CSMD2: variants seen among roughly 807,000 people sequenced by gnomAD.
The protein encoded by CSMD2 is CUB and Sushi multiple domains 2, also known as CUB and sushi domain-containing protein 2.
CSMD2 carries 130 observed loss-of-function variants against 398.5 expected under a neutral mutation model. That is an observed-to-expected ratio of 0.33 (90% CI 0.28 to 0.38). The LOEUF is 0.38. Ranked by LOEUF, CSMD2 falls within the 10% of genes least tolerant of loss-of-function variation. CSMD2 has a pLI of 1.00. For missense variants in CSMD2, 3,829 were observed against 4,764.9 expected, an observed-to-expected ratio of 0.80 and a Z score of 5.78; for synonymous variants, 1,828 against 1,908.5, an observed-to-expected ratio of 0.96 and a Z score of 1.10.
At chr1:33,939,016 C>A in intron 3 of CSMD2, among the ~76,000 whole-genome samples, 1 of 151,866 alleles carries the variant, frequency 6.6e-6, no homozygotes, top group East Asian at 1.9e-4. Flanking sequence ...TTCCCGTGAT[C>A]CCCTGCTGCT....
At chr1:34,128,979 T>C (rs895357498) in intron 1 of CSMD2, among the ~76,000 whole-genome samples, 2 of 144,976 alleles carry the variant, frequency 1.4e-5, no homozygotes, top group South Asian at 4.7e-4. Flanking sequence ...GAAACAGACG[T>C]CCACGTCCAC....
At chr1:33,652,606 A>G (rs547277002) in intron 27 of CSMD2, 145 bp from the exon 28 acceptor site, 2 of 809,564 alleles carry the variant, frequency 2.5e-6, no homozygotes, top group South Asian at 3.8e-5. Flanking sequence ...GAGAAGGTGA[A>G]ATGATGGACT....
At chr1:33,853,189 T>A (rs1407122) in intron 5 of CSMD2, among the ~76,000 whole-genome samples, 71,397 of 152,056 alleles carry the variant, frequency 0.47, 17,174 homozygotes, top group East Asian at 0.57. Context: ...CTCCACATTG[T>A]CTGTCTTATA....
In CSMD2 at chr1:34,109,652, A is replaced by T. The variant is rs568075620; in HGVS notation, c.188-20459T>A. Among the ~76,000 whole-genome samples, 10 of 152,324 alleles carry T rather than the reference A, an allele frequency of 6.6e-5. No individual in the cohort carries two copies. In the East Asian group the frequency reaches 1.9e-3, roughly 29 times the overall value. ...TGCATCTGACAAAGGTCTAATATTC[A>T]GCATCTGTAAGGAACTTAAACAAAT... On this transcript the variant is annotated intron_variant, in intron 1 of 70. Transcript: ENST00000373381.
intron 5 of CSMD2, among the ~76,000 whole-genome samples, chr1:33,878,532 A>G (rs1641008567): frequency 6.6e-6 from 1 of 152,258 alleles, no homozygotes; most frequent in Admixed American, 6.5e-5. Flanking sequence ...CAGCACAGCC[A>G]TCTGCTCCCC....
At chr1:33,783,200 G>A (rs191328699) in intron 12 of CSMD2, among the ~76,000 whole-genome samples, 7 of 152,284 alleles carry the variant, frequency 4.6e-5, no homozygotes, top group Admixed American at 4.6e-4. Flanking sequence ...GCAGGTCACA[G>A]GTGTGGGGGC....
chr1:34,114,399 A>G (rs1161662785), intron 1 of CSMD2, among the ~76,000 whole-genome samples: 1 of 152,122 alleles, frequency 6.6e-6, no homozygotes, highest in African/African-American at 2.4e-5. Context: ...ACATGGCTCA[A>G]CTAAAGGAAG....
rs947354210 is a variant in CSMD2 at position 33,606,214 on chromosome 1, G to T, written c.6344-744C>A. On this transcript the variant is annotated intron_variant, in intron 41 of 70. Coordinates refer to ENST00000373381, the MANE Select transcript of CSMD2 (RefSeq NM_001281956.2). The stretch of plus-strand genomic sequence containing the variant: ...TGATGAATTGGGTCCACAGGACACA[G>T]AACAGCCTTCGTGGCAGTAATTGCG... Among the ~76,000 whole-genome samples the T allele has an allele frequency of 1.4e-4, 21 of 152,210 alleles. 1 individual carries two copies.
Position 33,976,615 on chromosome 1 carries a change from G to C in CSMD2, c.518-40661C>G, listed in dbSNP as rs147639891. 3.7e-4 allele frequency among the ~76,000 whole-genome samples: 56 copies of C among 152,256 alleles called. 1 individual carries two copies. The highest frequency in any genetic ancestry group is 1.3e-3 in the African/African-American group (54 of 41,554). ...AGGCAACACCACCAGGGCATGATGC[G>C]AGTGGTCCAGGAGTCTCCTTATTCC... On this transcript the variant is annotated intron_variant, in intron 3 of 70. Coordinates refer to ENST00000373381, the MANE Select transcript of CSMD2 (RefSeq NM_001281956.2).
At position 33,544,555 on chromosome 1, in the gene CSMD2, T is replaced by C. The variant is rs115333035; in HGVS notation, c.9100+1482A>G. On this transcript the variant is annotated intron_variant, in intron 57 of 70. Coordinates refer to ENST00000373381, the MANE Select transcript of CSMD2 (RefSeq NM_001281956.2). ...TTGCCACTGATCTGGTCATTGATTC[T>C]AGACTTTTAGAGTTAGAGCTGTGAA... Among the ~76,000 whole-genome samples the C allele has an allele frequency of 3.0e-3, 460 of 152,256 alleles. 4 individuals carry two copies. The highest frequency in any genetic ancestry group is 0.011 in the African/African-American group (443 of 41,542).
chr1:34,104,162 C>T (rs553938548), intron 1 of CSMD2, among the ~76,000 whole-genome samples: 6 of 152,172 alleles, frequency 3.9e-5, no homozygotes, highest in Non-Finnish European at 8.8e-5. Context: ...ACATTTTATG[C>T]ACTTTTTGCC....
At chr1:33,763,363 A>G (rs74691496) in intron 13 of CSMD2, among the ~76,000 whole-genome samples, 3,579 of 152,294 alleles carry the variant, frequency 0.024, 49 homozygotes, top group South Asian at 0.031. Flanking sequence ...TAGAACTACA[A>G]TTCCTAGGCC....
chr1:33,678,038 A>G (rs1010765896), intron 25 of CSMD2, among the ~76,000 whole-genome samples: 1 of 151,674 alleles, frequency 6.6e-6, no homozygotes, highest in African/African-American at 2.4e-5. Flanking sequence ...CAGCACACCA[A>G]CATGGCACAT....
At chr1:33,672,420 C>T (rs1032108542) in intron 25 of CSMD2, among the ~76,000 whole-genome samples, 12 of 152,292 alleles carry the variant, frequency 7.9e-5, no homozygotes, top group Non-Finnish European at 1.6e-4. Context: ...GGGGGAGGGG[C>T]GCCTGCCATT....
intron 19 of CSMD2, among the ~76,000 whole-genome samples, 180 bp from the exon 20 acceptor site, chr1:33,716,681 C>T (rs142152072): frequency 6.6e-6 from 1 of 152,174 alleles, no homozygotes; most frequent in Admixed American, 6.5e-5. Flanking sequence ...CACACAAGTG[C>T]CCAGAGATTC....
rs1345885742 is a variant in CSMD2 at position 33,846,928 on chromosome 1, G to A, written c.989C>T (p.Ser330Leu). ...SKNWLRLHFT[S>L]DGNHRQRGFS... is the part of the protein sequence containing the mutation. ...TCCGCGCTGCCGGTGGTTGCCATCC[G>A]ATGTGAAGTGCAGTCGCAGCCAGTT... The change falls in exon 6 of 71, where the codon TCG (serine) becomes TTG (leucine). Residue 330 changes from serine (S) to leucine (L), a missense_variant. By Grantham distance (145) the Ser-to-Leu change is moderately radical. Transcript: ENST00000373381. 3 of 1,610,516 alleles carry A rather than the reference G, an allele frequency of 1.9e-6. No individual in the cohort carries two copies. Among genetic ancestry groups the A allele is most frequent in the East Asian group, 2.2e-5 (1 of 44,526 alleles).
At chr1:33,878,976 G>A (rs1055494014) in intron 5 of CSMD2, among the ~76,000 whole-genome samples, 2 of 152,128 alleles carry the variant, frequency 1.3e-5, no homozygotes, top group South Asian at 2.1e-4. Flanking sequence ...TCTTCTTACC[G>A]CGGTAACAAT....
chr1:33,822,032 G>A lies in CSMD2; in HGVS notation c.1112-1476C>T, dbSNP rs2281596. On this transcript the variant is annotated intron_variant, in intron 7 of 70. Transcript: ENST00000373381. Reference sequence around the variant, plus strand: ...GAGGTTTCAGAGATCAGACTTTTACGGGGTTTGAGTCTGATCCTGAAAATG... The same window carrying A: ...GAGGTTTCAGAGATCAGACTTTTACAGGGTTTGAGTCTGATCCTGAAAATG... Among the ~76,000 whole-genome samples, 327 of 152,266 alleles carry A rather than the reference G, an allele frequency of 2.1e-3. 1 individual carries two copies. In the East Asian group the frequency reaches 0.022, roughly 10 times the overall value.
intron 3 of CSMD2, among the ~76,000 whole-genome samples, chr1:33,980,318 T>C (rs12072000): frequency 0.24 from 36,774 of 152,044 alleles, 5,582 homozygotes; most frequent in Non-Finnish European, 0.34. Flanking sequence ...CTGAGGTAGG[T>C]TGCAGGAAGG....
Sources: gnomAD v4.1 joint callset for allele counts (sites outside exome capture counted in the v4.1 genomes callset) on GRCh38, gnomAD v4.1.1 for gene constraint, MANE v1.5 for transcripts, NCBI Gene and HGNC (gene_info 2026-07-23, HGNC 2026-07-21) for gene names.